USH2A: variants seen among roughly 807,000 people sequenced by gnomAD.
The protein encoded by USH2A is Usher syndrome 2A (autosomal recessive, mild).
In USH2A, 443 loss-of-function variants were observed where a neutral mutation model predicts 538.9. The observed-to-expected ratio is 0.82, with a 90% confidence interval of 0.76 to 0.89. The LOEUF is 0.89. Ranked by LOEUF, USH2A falls within the 40% of genes least tolerant of loss-of-function variation. The pLI is 0.00. For missense variants in USH2A, 6,633 were observed against 6,324.8 expected (o/e 1.05, Z -1.65); for synonymous variants, 2,413 against 2,273.5 (o/e 1.06, Z -1.75).
chr1:215,960,057 A>G (rs1359384370), intron 37 of USH2A, among the ~76,000 whole-genome samples: 1 of 152,184 alleles, frequency 6.6e-6, no homozygotes, highest in East Asian at 1.9e-4. Flanking sequence ...GAAGTCTAGT[A>G]GTAAAGAAGC....
intron 9 of USH2A, among the ~76,000 whole-genome samples, chr1:216,314,831 G>T (rs1387378275): frequency 6.6e-6 from 1 of 152,134 alleles, no homozygotes; most frequent in Admixed American, 6.6e-5. Context: ...AGTGTTCATG[G>T]TTACTAATAA....
At chr1:215,648,294 C>T (rs78591341) in intron 66 of USH2A, among the ~76,000 whole-genome samples, 120 of 152,284 alleles carry the variant, frequency 7.9e-4, no homozygotes, top group African/African-American at 2.8e-3. Context: ...CGTTGTTCTC[C>T]TTTCTATCAT....
chr1:216,405,976 C>A (rs2039389227), intron 3 of USH2A, among the ~76,000 whole-genome samples: 1 of 152,042 alleles, frequency 6.6e-6, no homozygotes. Flanking sequence ...TTTGAAAAGA[C>A]CAAATTTTAG....
intron 21 of USH2A, among the ~76,000 whole-genome samples, chr1:216,129,771 C>T (rs977635129): frequency 6.6e-6 from 1 of 151,986 alleles, no homozygotes; most frequent in African/African-American, 2.4e-5. Context: ...CAAAAAATAA[C>T]AAAGCTGGAA....
In USH2A at chr1:215,674,220, T is replaced by C. The variant is rs1451870607; in HGVS notation, c.13691A>G (p.Asn4564Ser). Residue 4564 changes from asparagine (N) to serine (S), a missense_variant, in exon 63 of 72, where the codon AAT becomes AGT. By Grantham distance (46) the Asn-to-Ser change is conservative. Coordinates refer to ENST00000307340, the MANE Select transcript of USH2A (RefSeq NM_206933.4). ...TAGTTCACGGATGAAGAGGGTATAA[T>C]TGATGATATCACCATTTGTTCTCAC... ...PPVRTNGDII[N>S]YTLFIRELFE... 2 of 1,614,168 alleles carry C rather than the reference T, an allele frequency of 1.2e-6. No homozygotes were observed. The highest frequency in any genetic ancestry group is 2.7e-5 in the African/African-American group (2 of 75,048).
chr1:215,749,691 T>G (rs1236889987), intron 58 of USH2A, among the ~76,000 whole-genome samples: 1 of 152,192 alleles, frequency 6.6e-6, no homozygotes, highest in Non-Finnish European at 1.5e-5. Context: ...GTTCATAAAT[T>G]TATGTCAGAG....
chr1:216,249,180 A>T (rs921893825), intron 12 of USH2A, among the ~76,000 whole-genome samples: 8 of 152,206 alleles, frequency 5.3e-5, no homozygotes, highest in Admixed American at 4.6e-4. Flanking sequence ...AAAAAGTACT[A>T]CATTTGCAGA....
chr1:216,172,170 A>G (rs184590831), intron 21 of USH2A, among the ~76,000 whole-genome samples: 52 of 152,210 alleles, frequency 3.4e-4, no homozygotes, highest in African/African-American at 9.4e-4. Flanking sequence ...GCAAATATGA[A>G]AGAGGCATAA....
intron 32 of USH2A, among the ~76,000 whole-genome samples, chr1:216,041,460 C>G (rs1413433862): frequency 6.6e-6 from 1 of 152,052 alleles, no homozygotes; most frequent in Non-Finnish European, 1.5e-5. Context: ...CTTGTGCCCC[C>G]CATGGCAGCA....
At chr1:215,947,395 T>A (rs1328551270) in intron 37 of USH2A, among the ~76,000 whole-genome samples, 2 of 152,218 alleles carry the variant, frequency 1.3e-5, no homozygotes, top group East Asian at 3.9e-4. Context: ...ATGTGCATTT[T>A]AGAAAATTCA....
intron 3 of USH2A, among the ~76,000 whole-genome samples, chr1:216,393,878 A>G (rs951610793): frequency 1.3e-5 from 2 of 152,224 alleles, no homozygotes; most frequent in African/African-American, 4.8e-5. Flanking sequence ...AATCAGGAAA[A>G]TATTTGCAAA....
rs1663465892 is a variant in USH2A, at chr1:215,835,911, A to T, written c.9371+2080T>A. The stretch of plus-strand genomic sequence containing the variant: ...CTCTCACTTTCCTTGTTCTTGTTGT[A>T]TAATACTCTTTTTAATGTTTCTGTC... On this transcript the variant is annotated intron_variant, in intron 47 of 71. Transcript: ENST00000307340. 2.6e-5 allele frequency among the ~76,000 whole-genome samples: 4 copies of T among 152,060 alleles called. 1 individual carries two copies. In the Middle Eastern group the frequency reaches 0.01, roughly 388 times the overall value.
intron 21 of USH2A, among the ~76,000 whole-genome samples, chr1:216,128,146 A>T (rs1429318786): frequency 6.6e-6 from 1 of 152,128 alleles, no homozygotes; most frequent in African/African-American, 2.4e-5. Flanking sequence ...AAAAAATTAC[A>T]ATTGTATTCT....
chr1:216,419,931 C>G (rs1443694013), intron 2 of USH2A, among the ~76,000 whole-genome samples: 1 of 151,696 alleles, frequency 6.6e-6, no homozygotes, highest in Non-Finnish European at 1.5e-5. Flanking sequence ...TTTACTGTCA[C>G]AATTTTACTA....
intron 36 of USH2A, 73 bp from the exon 37 acceptor site, chr1:215,965,552 C>A: frequency 6.4e-7 from 1 of 1,554,896 alleles, no homozygotes; most frequent in Non-Finnish European, 8.8e-7. Context: ...CATATTTCTT[C>A]AAAGAATCTC....
intron 27 of USH2A, among the ~76,000 whole-genome samples, chr1:216,075,464 A>T (rs2031713517): frequency 6.6e-6 from 1 of 152,220 alleles, no homozygotes; most frequent in Non-Finnish European, 1.5e-5. Flanking sequence ...ATCCAAAAAA[A>T]TCCCCATCCA....
intron 61 of USH2A, among the ~76,000 whole-genome samples, chr1:215,721,485 G>C (rs562050922): frequency 9.4e-4 from 143 of 152,298 alleles, no homozygotes; most frequent in African/African-American, 3.3e-3. Context: ...AGATGTTACT[G>C]ATGGGTGAGC....
At chr1:215,879,513 C>T (rs561490896) in intron 41 of USH2A, among the ~76,000 whole-genome samples, 1 of 152,272 alleles carries the variant, frequency 6.6e-6, no homozygotes, top group East Asian at 1.9e-4. Context: ...TTTCTTTGCA[C>T]TGTTAGTGTG....
intron 9 of USH2A, among the ~76,000 whole-genome samples, chr1:216,310,645 G>A (rs945256085): frequency 2.6e-5 from 4 of 152,074 alleles, no homozygotes; most frequent in African/African-American, 7.2e-5. Context: ...GAATTTTTCA[G>A]TTCGGTAAAT....
Sources: allele counts gnomAD v4.1 joint callset (sites outside exome capture counted in the v4.1 genomes callset), GRCh38; gene constraint gnomAD v4.1.1; transcripts MANE v1.5; gene names NCBI Gene and HGNC (gene_info 2026-07-23, HGNC 2026-07-21).